CORO1C: variants seen among roughly 807,000 people sequenced by gnomAD.
The protein encoded by CORO1C is coronin 1C.
A neutral mutation model predicts 51.2 loss-of-function variants in CORO1C; 14 were observed. The observed-to-expected ratio is 0.27, with a 90% CI of 0.18 to 0.43. The LOEUF is 0.43. Ranked by LOEUF, CORO1C falls within the 20% of genes least tolerant of loss-of-function variation. CORO1C has a pLI of 1.00. For missense variants in CORO1C, 417 were observed against 607.8 expected (o/e 0.69, Z 3.30); for synonymous variants, 181 against 210.5 (o/e 0.86, Z 1.21).
chr12:108,647,977 C>T (rs1473707530), intron 10 of CORO1C, among the ~76,000 whole-genome samples: 1 of 152,110 alleles, frequency 6.6e-6, no homozygotes, highest in Non-Finnish European at 1.5e-5. Flanking sequence ...GGAGGGAAAC[C>T]CTTGCCCTGT....
At chr12:108,671,878 T>A (rs1205993882) in intron 3 of CORO1C, among the ~76,000 whole-genome samples, 1 of 152,084 alleles carries the variant, frequency 6.6e-6, no homozygotes, top group African/African-American at 2.4e-5. Flanking sequence ...TCCTCCCACC[T>A]CAGGCTCCCA....
rs909041366 is a variant in CORO1C, at chr12:108,714,079, T to C, written c.-5-12756A>G. On this transcript the variant is annotated intron_variant, in intron 1 of 10. Transcript: ENST00000261401. ...TCCTTAGCTTAGCCAGAGGACTATG[T>C]GCTCAGTTGTCCAAGAAAAGAACAA... Among the ~76,000 whole-genome samples the C allele has an allele frequency of 7.9e-5, 12 of 152,184 alleles. No individual in the cohort carries two copies. In the South Asian group the frequency reaches 2.5e-3, roughly 31 times the overall value.
intron 3 of CORO1C, among the ~76,000 whole-genome samples, chr12:108,664,598 G>A (rs1438623558): frequency 2.0e-5 from 3 of 152,152 alleles, no homozygotes; most frequent in Non-Finnish European, 4.4e-5. Flanking sequence ...AGGCAGGTGT[G>A]AACAAGCATA....
intron 1 of CORO1C, among the ~76,000 whole-genome samples, chr12:108,707,628 G>C (rs1327213439): frequency 6.6e-6 from 1 of 152,042 alleles, no homozygotes; most frequent in African/African-American, 2.4e-5. Context: ...AGAAAAATTA[G>C]AAAAACTGGA....
chr12:108,662,297 T>C (rs1280397825), intron 3 of CORO1C, 139 bp from the exon 4 acceptor site: 2 of 770,868 alleles, frequency 2.6e-6, no homozygotes, highest in African/African-American at 3.5e-5. Flanking sequence ...CAGAATGTTG[T>C]GAAATGACCG....
At chr12:108,699,524 G>A (rs2034798277) in intron 2 of CORO1C, among the ~76,000 whole-genome samples, 1 of 152,228 alleles carries the variant, frequency 6.6e-6, no homozygotes, top group Non-Finnish European at 1.5e-5. Context: ...TGGTGCTCCA[G>A]TGTCTGACCT....
rs140559060 is a variant in CORO1C at position 108,650,004 on chromosome 12, T to C, written c.1002-984A>G. On this transcript the variant is annotated intron_variant, in intron 8 of 10. Transcript: ENST00000261401. ...GCATCTGAAACTGGGCAGGAGTCCA[T>C]TGAAGACAACCTGGCAGATACACTG... Among the ~76,000 whole-genome samples, 606 of 152,272 alleles carry C rather than the reference T, an allele frequency of 4.0e-3. 6 individuals are homozygous for C. The highest frequency in any genetic ancestry group is 5.4e-3 in the Non-Finnish European group (364 of 68,026).
intron 1 of CORO1C, among the ~76,000 whole-genome samples, chr12:108,715,905 G>A (rs1378424000): frequency 2.0e-5 from 3 of 151,704 alleles, no homozygotes; most frequent in Non-Finnish European, 2.9e-5. Context: ...AGGCCGAGGC[G>A]GGTGGATCAC....
At chr12:108,720,421 T>A (rs540173676) in intron 1 of CORO1C, among the ~76,000 whole-genome samples, 5 of 152,320 alleles carry the variant, frequency 3.3e-5, no homozygotes, top group South Asian at 4.1e-4. Context: ...AATAAAGGAA[T>A]GTGTATGTAT....
At chr12:108,705,608 T>G (rs546881357) in intron 1 of CORO1C, among the ~76,000 whole-genome samples, 68 of 152,182 alleles carry the variant, frequency 4.5e-4, no homozygotes, top group Non-Finnish European at 6.6e-4. Flanking sequence ...AGGGAACACT[T>G]TCAAACTAAT....
intron 2 of CORO1C, among the ~76,000 whole-genome samples, chr12:108,693,950 G>A (rs1172571825): frequency 3.9e-5 from 6 of 152,136 alleles, no homozygotes; most frequent in Admixed American, 2.0e-4. Context: ...AGCACTTCAT[G>A]CACAAAGCAC....
In CORO1C at chr12:108,658,392, G is replaced by C. The variant is rs1371549632; in HGVS notation, c.630+346C>G. ...TGTGTTTGGAAAAGGGTGAGGAATT[G>C]ATTCATCAATATTCAATACTAAGCT... On this transcript the variant is annotated intron_variant, in intron 5 of 10. Coordinates refer to ENST00000261401, the MANE Select transcript of CORO1C (RefSeq NM_014325.4). The surrounding 1 kb of genome is among the most constrained non-coding windows in gnomAD (Gnocchi z 4.9). Among the ~76,000 whole-genome samples, 2 of 152,082 alleles carry C rather than the reference G, an allele frequency of 1.3e-5. No homozygotes were observed. Among genetic ancestry groups the C allele is most frequent in the Non-Finnish European group, 2.9e-5 (2 of 68,012 alleles).
chr12:108,678,188 A>G, intron 3 of CORO1C, 84 bp downstream of exon 3: 2 of 1,317,998 alleles, frequency 1.5e-6, no homozygotes, highest in South Asian at 3.1e-5. Flanking sequence ...GCCTCTATAC[A>G]TACACACACA....
chr12:108,713,765 T>C (rs902507144), intron 1 of CORO1C, among the ~76,000 whole-genome samples: 7 of 152,224 alleles, frequency 4.6e-5, no homozygotes, highest in African/African-American at 1.7e-4. Flanking sequence ...ACTGTCATAC[T>C]TTTCCAACAA....
chr12:108,668,430 G>A (rs1389097640), intron 3 of CORO1C: 1 of 152,054 alleles, frequency 6.6e-6, no homozygotes, highest in Non-Finnish European at 1.5e-5. Flanking sequence ...TTTATTTCAG[G>A]GCAAAAACTA....
chr12:108,683,672 A>C (rs1317907056), intron 2 of CORO1C, among the ~76,000 whole-genome samples: 1 of 152,176 alleles, frequency 6.6e-6, no homozygotes, highest in African/African-American at 2.4e-5. Flanking sequence ...ACATCAAAAG[A>C]TTTTCAAGAA....
intron 6 of CORO1C, among the ~76,000 whole-genome samples, chr12:108,656,248 G>A (rs1393646992): frequency 6.6e-6 from 1 of 151,486 alleles, no homozygotes; most frequent in Non-Finnish European, 1.5e-5. Context: ...GGGAAGTGAG[G>A]AGCGTCTCTG....
chr12:108,720,212 G>A lies in CORO1C; in HGVS notation c.-6+11217C>T, dbSNP rs557118287. On this transcript the variant is annotated intron_variant, in intron 1 of 10. Transcript: ENST00000261401. ...AACACTCATACAGACACACACACAC[G>A]CACACACAAACTTGCTAACCAGAGC... Among the ~76,000 whole-genome samples, 12 of 151,898 alleles carry A rather than the reference G, an allele frequency of 7.9e-5. 1 individual carries two copies. The highest frequency in any genetic ancestry group is 2.6e-4 in the Admixed American group (4 of 15,248).
At chr12:108,675,743 G>A (rs148179707) in intron 3 of CORO1C, among the ~76,000 whole-genome samples, 316 of 152,316 alleles carry the variant, frequency 2.1e-3, no homozygotes, top group African/African-American at 7.1e-3. Context: ...CTGGATATAG[G>A]CACAGAATAC....
Sources: allele counts gnomAD v4.1 joint callset (sites outside exome capture counted in the v4.1 genomes callset), GRCh38; gene constraint gnomAD v4.1.1; non-coding constraint Gnocchi (gnomAD v3.1); transcripts MANE v1.5; gene names NCBI Gene and HGNC (gene_info 2026-07-23, HGNC 2026-07-21).